The following SPATA17 variants were observed in gnomAD, a reference collection of about 807,000 sequenced individuals.
SPATA17 encodes spermatogenesis associated 17.
A neutral mutation model predicts 62.2 loss-of-function variants in SPATA17; 53 were observed. The observed-to-expected ratio is 0.85, with a 90% CI of 0.68 to 1.07. The LOEUF is 1.07. Among genes scored for constraint, SPATA17 ranks in the 50% least tolerant of loss-of-function variants. The pLI is 0.00. For missense variants in SPATA17, 466 were observed against 425.5 expected, an observed-to-expected ratio of 1.10 and a Z score of -0.84; for synonymous variants, 146 against 146.8, an observed-to-expected ratio of 0.99 and a Z score of 0.04.
At chr1:217,647,088 A>G (rs1350116710) in intron 1 of SPATA17, among the ~76,000 whole-genome samples, 1 of 152,236 alleles carries the variant, frequency 6.6e-6, no homozygotes, top group African/African-American at 2.4e-5. Context: ...TGAAAGGATT[A>G]TGTATGAGTT....
chr1:217,651,284 A>G, intron 3 of SPATA17, 106 bp downstream of exon 3: 1 of 853,590 alleles, frequency 1.2e-6, no homozygotes, highest in Non-Finnish European at 1.7e-6. Context: ...GATGATGAGT[A>G]TTTATGTAAG....
chr1:217,850,217 A>G (rs1438936284), intron 9 of SPATA17, among the ~76,000 whole-genome samples: 1 of 152,210 alleles, frequency 6.6e-6, no homozygotes, highest in African/African-American at 2.4e-5. Context: ...TTTTGAAATA[A>G]TGTTTTTCCA....
intron 9 of SPATA17, among the ~76,000 whole-genome samples, chr1:217,804,007 G>A (rs565799278): frequency 4.6e-5 from 7 of 150,542 alleles, no homozygotes; most frequent in African/African-American, 1.5e-4. Context: ...AAAACAGTAA[G>A]ACTGTCTCAA....
intron 5 of SPATA17, among the ~76,000 whole-genome samples, chr1:217,734,031 TTGAC>T (rs556421544): frequency 6.6e-6 from 1 of 152,310 alleles, no homozygotes; most frequent in Admixed American, 6.5e-5. Context: ...TGTAAGTTGT[TTGAC>T]TGACTTAAAT....
At chr1:217,791,514 GA>G (rs888241114) in intron 8 of SPATA17, among the ~76,000 whole-genome samples, 25 of 147,590 alleles carry the variant, frequency 1.7e-4, no homozygotes, top group African/African-American at 2.5e-4. Flanking sequence ...TTCTCTGAAA[GA>G]AAAAAAAAAG....
At chr1:217,686,952 C>G (rs376958927) in intron 5 of SPATA17, among the ~76,000 whole-genome samples, 1 of 152,316 alleles carries the variant, frequency 6.6e-6, no homozygotes, top group East Asian at 1.9e-4. Context: ...CTCCTGACCT[C>G]AAGTGATCCA....
At position 217,798,145 on chromosome 1, in the gene SPATA17, T is replaced by G. The variant is rs142888217; in HGVS notation, c.873-3573T>G. Reference sequence around the variant, plus strand: ...CTTTATGTAATTTAAAAGATAAAACTATTGATTTTCTAAGAGATTCTTTGT... The same window carrying G: ...CTTTATGTAATTTAAAAGATAAAACGATTGATTTTCTAAGAGATTCTTTGT... On this transcript the variant is annotated intron_variant, in intron 8 of 10. Coordinates refer to ENST00000366933, the MANE Select transcript of SPATA17 (RefSeq NM_138796.4). Among the ~76,000 whole-genome samples, 310 of 152,334 alleles carry G rather than the reference T, an allele frequency of 2.0e-3. 1 individual carries two copies. Among genetic ancestry groups the G allele is most frequent in the African/African-American group, 6.9e-3 (286 of 41,574 alleles).
chr1:217,807,279 G>T (rs1674456557), intron 9 of SPATA17, among the ~76,000 whole-genome samples: 1 of 151,936 alleles, frequency 6.6e-6, no homozygotes, highest in Non-Finnish European at 1.5e-5. Flanking sequence ...GGGAGGAAGT[G>T]GGGCAAGGGT....
intron 5 of SPATA17, among the ~76,000 whole-genome samples, chr1:217,725,222 T>G (rs940733211): frequency 6.6e-6 from 1 of 152,210 alleles, no homozygotes; most frequent in Non-Finnish European, 1.5e-5. Context: ...CATCTCTTAC[T>G]GTAAGTGCCA....
chr1:217,651,210 G>T, intron 3 of SPATA17, 32 bp downstream of exon 3: 1 of 1,490,542 alleles, frequency 6.7e-7, no homozygotes, highest in South Asian at 1.2e-5. Flanking sequence ...GTTAGCATTT[G>T]AATTGTACAA....
At chr1:217,668,246 T>C (rs539399969) in intron 3 of SPATA17, among the ~76,000 whole-genome samples, 6 of 152,308 alleles carry the variant, frequency 3.9e-5, no homozygotes, top group African/African-American at 1.4e-4. Flanking sequence ...ATTAATTTTA[T>C]ATTTTTAATT....
At chr1:217,800,730 C>G (rs1248347761) in intron 8 of SPATA17, among the ~76,000 whole-genome samples, 1 of 152,102 alleles carries the variant, frequency 6.6e-6, no homozygotes, top group African/African-American at 2.4e-5. Flanking sequence ...GTTTTCTTAA[C>G]TCTTTTGTGT....
chr1:217,648,263 T>C (rs1275648469), intron 1 of SPATA17, among the ~76,000 whole-genome samples: 1 of 152,248 alleles, frequency 6.6e-6, no homozygotes, highest in Non-Finnish European at 1.5e-5. Context: ...ATCTACACTT[T>C]ATGTAGTCTT....
chr1:217,853,880 A>G (rs1032195993), intron 9 of SPATA17, among the ~76,000 whole-genome samples: 1 of 152,172 alleles, frequency 6.6e-6, no homozygotes, highest in Non-Finnish European at 1.5e-5. Flanking sequence ...AACACTAGGC[A>G]GAATTTCAGC....
intron 6 of SPATA17, among the ~76,000 whole-genome samples, chr1:217,744,635 T>C (rs1026479100): frequency 1.3e-5 from 2 of 152,246 alleles, no homozygotes; most frequent in South Asian, 4.2e-4. Context: ...CTGCTGATAA[T>C]ATCAATGTAT....
intron 3 of SPATA17, among the ~76,000 whole-genome samples, chr1:217,668,673 G>C (rs1031296183): frequency 2.6e-5 from 4 of 152,116 alleles, no homozygotes; most frequent in Admixed American, 6.5e-5. Flanking sequence ...GTGAGGTTTG[G>C]CTAAAAGAAC....
In SPATA17 at chr1:217,639,649, C is replaced by T. The variant is rs899097311; in HGVS notation, c.68+8203C>T. The stretch of plus-strand genomic sequence containing the variant: ...TAAAACAAATTAAGCTGGAAGAATG[C>T]GATTGGTACTTTAATGTCCTTTCTA... On this transcript the variant is annotated intron_variant, in intron 1 of 10. Coordinates refer to ENST00000366933, the MANE Select transcript of SPATA17 (RefSeq NM_138796.4). Among the ~76,000 whole-genome samples the T allele has an allele frequency of 1.6e-4, 25 of 152,072 alleles. 1 individual carries two copies. The highest frequency in any genetic ancestry group is 2.1e-4 in the South Asian group (1 of 4,822).
At chr1:217,792,241 A>G (rs1180854592) in intron 8 of SPATA17, among the ~76,000 whole-genome samples, 1 of 152,200 alleles carries the variant, frequency 6.6e-6, no homozygotes, top group Non-Finnish European at 1.5e-5. Flanking sequence ...GCACAGATGC[A>G]TTTAGGATCA....
chr1:217,850,581 T>C, intron 9 of SPATA17: 2 of 1,596,558 alleles, frequency 1.3e-6, no homozygotes, highest in Non-Finnish European at 1.7e-6. Flanking sequence ...GTCACTGGGC[T>C]CCACTTCAAG....
Sources: gnomAD v4.1 joint callset for allele counts (sites outside exome capture counted in the v4.1 genomes callset) on GRCh38, gnomAD v4.1.1 for gene constraint, MANE v1.5 for transcripts, NCBI Gene and HGNC (gene_info 2026-07-23, HGNC 2026-07-21) for gene names.